Variants in MX2 observed in about 807,000 individuals in gnomAD.
MX2 encodes MX dynamin like GTPase 2, also known as interferon-induced GTP-binding protein Mx2.
MX2 carries 51 observed loss-of-function variants against 74.0 expected under a neutral mutation model. That is an observed-to-expected ratio of 0.69 (90% CI 0.55 to 0.87). MX2 has a LOEUF of 0.87. Among genes scored for constraint, MX2 ranks in the 40% least tolerant of loss-of-function variants. The pLI is 0.00. For missense variants in MX2, 832 were observed against 908.7 expected (o/e 0.92, Z 1.09); for synonymous variants, 369 against 339.3 (o/e 1.09, Z -0.96).
rs1303090340 is a variant in MX2, at chr21:41,401,977, T to C, written c.1422T>C (p.Asn474=). 6.2e-7 allele frequency: 1 copy of C among 1,613,022 alleles called. No homozygotes were observed. The highest frequency in any genetic ancestry group is 8.5e-7 in the Non-Finnish European group (1 of 1,179,624). ...GTCTGTTTGATGTTGCAGTTAAAAA[T>C]ATTATCCACGAAGAAGTTGAAAAAT... ...ILATNTQKVK[N]IIHEEVEKYE... is the part of the protein sequence containing the mutation. The change falls in exon 11 of 14, where the codon AAT becomes AAC. Residue 474 remains asparagine (N), a synonymous_variant. Transcript: ENST00000330714.
chr21:41,376,780 A>G, intron 1 of MX2, 56 bp from the exon 2 acceptor site: 1 of 1,440,360 alleles, frequency 6.9e-7, no homozygotes, highest in East Asian at 2.3e-5. Flanking sequence ...AAAAGTGCCA[A>G]CTCAGGGAGG....
rs758752539 is a variant in MX2, at chr21:41,377,030, C to A, written c.124C>A (p.Gln42Lys). The A allele has an allele frequency of 1.2e-6, 2 of 1,614,224 alleles. No individual in the cohort carries two copies. The highest frequency in any genetic ancestry group is 4.5e-5 in the East Asian group (2 of 44,890). The change falls in exon 2 of 14, where the codon CAA becomes AAA. Residue 42 changes from glutamine (Q) to lysine (K), a missense_variant. Coordinates refer to ENST00000330714, the MANE Select transcript of MX2 (RefSeq NM_002463.2). ...QPPPFGTVPPQMMFPPNWQGA... is the reference protein window; with the variant it reads ...QPPPFGTVPPKMMFPPNWQGA... ...ACCGCCATTCGGCACAGTGCCACCA[C>A]AAATGATGTTTCCTCCAAACTGGCA...
Position 41,376,972 on chromosome 21 carries a change from G to GA in MX2, c.72dup (p.Glu25ArgfsTer78), listed in dbSNP as rs1431652758. 1.9e-6 allele frequency: 3 copies of GA among 1,613,962 alleles called. No individual in the cohort carries two copies. In the African/African-American group the frequency reaches 4.0e-5, roughly 22 times the overall value. Reference sequence around the variant, plus strand: ...GTCAATTTTCTTCTCGAAAATACCTGAAAAAAGAAATGAATTCCTTCCAGC... The same window carrying GA: ...GTCAATTTTCTTCTCGAAAATACCTGAAAAAAAGAAATGAATTCCTTCCAGC... On this transcript the variant is annotated frameshift_variant, in exon 2 of 14. Coordinates refer to ENST00000330714, the MANE Select transcript of MX2 (RefSeq NM_002463.2). LOFTEE classifies it high-confidence loss of function.
At chr21:41,369,194 G>A (rs538966246) in intron 1 of MX2, among the ~76,000 whole-genome samples, 4 of 152,344 alleles carry the variant, frequency 2.6e-5, no homozygotes, top group Admixed American at 6.5e-5. Context: ...GAGGAGGGGG[G>A]TGCAGGAGGC....
intron 10 of MX2, among the ~76,000 whole-genome samples, chr21:41,399,921 C>T (rs1344426949): frequency 6.6e-6 from 1 of 152,196 alleles, no homozygotes; most frequent in East Asian, 1.9e-4. Context: ...GAGGAATTCG[C>T]AGAGCAGCCC....
Position 41,399,183 on chromosome 21 carries a change from A to G in MX2, c.1273-13A>G, listed in dbSNP as rs372280272. On this transcript the variant is annotated splice_polypyrimidine_tract_variant and intron_variant, in intron 9 of 13. Coordinates refer to ENST00000330714, the MANE Select transcript of MX2 (RefSeq NM_002463.2). Reference sequence around the variant, plus strand: ...GATTTCCGCAAAGACTATTGACTTTATATCATTTTCAGAAAATCAAGATGT... The same window carrying G: ...GATTTCCGCAAAGACTATTGACTTTGTATCATTTTCAGAAAATCAAGATGT... 4.3e-6 allele frequency: 7 copies of G among 1,613,008 alleles called. No homozygotes were observed. The Admixed American group carries it at 6.7e-5, about 15-fold the overall frequency.
rs185714347 is a variant in MX2 at position 41,388,261 on chromosome 21, C to A, written c.733-2304C>A. Among the ~76,000 whole-genome samples the A allele has an allele frequency of 3.9e-5, 6 of 152,320 alleles. No homozygotes were observed. The highest frequency in any genetic ancestry group is 1.4e-4 in the African/African-American group (6 of 41,568). Reference sequence around the variant, plus strand: ...CAAGGTCCCATGTGATCCAATCCCCCTACTTCATGGACCACATTTCCTGTC... The same window carrying A: ...CAAGGTCCCATGTGATCCAATCCCCATACTTCATGGACCACATTTCCTGTC... On this transcript the variant is annotated intron_variant, in intron 5 of 13. Transcript: ENST00000330714. The surrounding 1 kb of genome is among the most constrained non-coding windows in gnomAD (Gnocchi z 4.0).
chr21:41,404,706 T>C (rs1334441273), intron 12 of MX2: 2 of 152,112 alleles, frequency 1.3e-5, no homozygotes, highest in Non-Finnish European at 2.9e-5. Context: ...AAGTCAATCA[T>C]GCATTCATCT....
chr21:41,408,448 G>T lies in MX2; in HGVS notation c.*215G>T. The T allele has an allele frequency of 1.6e-6, 1 of 610,650 alleles. No individual in the cohort carries two copies. Among genetic ancestry groups the T allele is most frequent in the South Asian group, 2.2e-5 (1 of 45,820 alleles). 37.8% of individuals were successfully genotyped at this position (610,650 alleles called of 1,614,324 possible). ...TCTTCCCTGACCTTCACGAAGGGAT[G>T]GCTCTCCAGTCCTTGGGTCCCGTAG... On this transcript the variant is annotated 3_prime_UTR_variant, in exon 14 of 14. Transcript: ENST00000330714.
intron 6 of MX2, among the ~76,000 whole-genome samples, chr21:41,395,165 T>G: frequency 6.6e-6 from 1 of 150,676 alleles, no homozygotes; most frequent in African/African-American, 2.4e-5. Flanking sequence ...GAGAGGAAAG[T>G]GGGAAGGAGG....
rs777866660 is a variant in MX2 at position 41,403,561 on chromosome 21, T to C, written c.1650+218T>C. 9.4e-6 allele frequency: 7 copies of C among 743,532 alleles called. No homozygotes were observed. In the African/African-American group the frequency reaches 1.2e-4, roughly 13 times the overall value. The allele number at this position is 743,532 out of a possible 1,614,324, so 46.1% of individuals were successfully genotyped here. ...AGGCGGCTTCACTCCCCAGGAGAAA[T>C]GAAATGCGGCCCGTGCCCTGCCATC... On this transcript the variant is annotated intron_variant, in intron 12 of 13. Coordinates refer to ENST00000330714, the MANE Select transcript of MX2 (RefSeq NM_002463.2).
chr21:41,395,977 G>A (rs1259865320), intron 7 of MX2, among the ~76,000 whole-genome samples, 192 bp downstream of exon 7: 1 of 152,202 alleles, frequency 6.6e-6, no homozygotes, highest in African/African-American at 2.4e-5. Context: ...CAATGATGGT[G>A]CTGATTAAAA....
chr21:41,403,774 C>A, intron 12 of MX2: 1 of 413,674 alleles, frequency 2.4e-6, no homozygotes, highest in Non-Finnish European at 5.0e-6. Flanking sequence ...TTACCTTCAG[C>A]AAAGGCAAGA....
chr21:41,396,258 A>G (rs182834422), intron 7 of MX2, among the ~76,000 whole-genome samples: 1 of 152,350 alleles, frequency 6.6e-6, no homozygotes, highest in Admixed American at 6.5e-5. Flanking sequence ...TAGAGCCTCC[A>G]GTGCCCACAG....
intron 13 of MX2, among the ~76,000 whole-genome samples, chr21:41,407,511 A>G (rs561830435): frequency 5.9e-5 from 9 of 152,340 alleles, no homozygotes; most frequent in Admixed American, 2.0e-4. Context: ...TCCCAGGAAG[A>G]AAAAATAGCT....
chr21:41,380,002 G>A lies in MX2; in HGVS notation c.443-15G>A. ...TAAAAGGAAACTGAGGATATTTGGG[G>A]AACCTCTCGCTCAGGAATCGTAACC... On this transcript the variant is annotated splice_polypyrimidine_tract_variant and intron_variant, in intron 3 of 13. Coordinates refer to ENST00000330714, the MANE Select transcript of MX2 (RefSeq NM_002463.2). The surrounding 1 kb of genome is among the most constrained non-coding windows in gnomAD (Gnocchi z 4.3). 1 of 1,613,268 alleles carries A rather than the reference G, an allele frequency of 6.2e-7. No homozygotes were observed. Among genetic ancestry groups the A allele is most frequent in the South Asian group, 1.1e-5 (1 of 91,002 alleles).
At chr21:41,377,707 G>C in intron 2 of MX2, 82 bp from the exon 3 acceptor site, 1 of 1,441,928 alleles carries the variant, frequency 6.9e-7, no homozygotes, top group Admixed American at 2.0e-5. Flanking sequence ...CATCATAGCC[G>C]CACAAACTCT....
intron 6 of MX2, among the ~76,000 whole-genome samples, chr21:41,393,110 C>CAAAAAAAAAAAAAAAAAAAGA (rs2089683251): frequency 5.0e-5 from 3 of 60,086 alleles, no homozygotes; most frequent in Admixed American, 2.5e-4. Flanking sequence ...CTCAAAAAAG[C>CAAAAAAAAAAAAAAAAAAAGA]AAAAAAAAAA....
At chr21:41,407,102 C>A in intron 13 of MX2, 104 bp downstream of exon 13, 1 of 1,218,912 alleles carries the variant, frequency 8.2e-7, no homozygotes, top group Non-Finnish European at 1.1e-6. Flanking sequence ...AGGGAGGGAC[C>A]ACTACAATGT....
Sources: allele counts gnomAD v4.1 joint callset (sites outside exome capture counted in the v4.1 genomes callset), GRCh38; gene constraint gnomAD v4.1.1; non-coding constraint Gnocchi (gnomAD v3.1); transcripts MANE v1.5; gene names NCBI Gene and HGNC (gene_info 2026-07-23, HGNC 2026-07-21).